The following ACYP2 variants were observed in gnomAD, a reference collection of about 807,000 sequenced individuals.
ACYP2 encodes acylphosphatase 2, also known as acylphosphatase-2.
In ACYP2, 12 loss-of-function variants were observed where a neutral mutation model predicts 11.2. That is an observed-to-expected ratio of 1.08 (90% CI 0.69 to 1.74). The LOEUF is 1.74. Among genes scored for constraint, ACYP2 ranks in the 40% most tolerant of loss-of-function variants. The pLI is 0.00. For missense variants in ACYP2, 134 were observed against 101.9 expected, an observed-to-expected ratio of 1.31 and a Z score of -1.35; for synonymous variants, 43 against 32.2, an observed-to-expected ratio of 1.33 and a Z score of -1.13.
At chr2:54,297,457 C>T (rs1452739325) in intron 6 of ACYP2, among the ~76,000 whole-genome samples, 1 of 151,990 alleles carries the variant, frequency 6.6e-6, no homozygotes, top group Non-Finnish European at 1.5e-5. Flanking sequence ...ATTATTGTGC[C>T]ACTGCATTCC....
At chr2:54,146,430 T>C (rs1681887782) in intron 6 of ACYP2, among the ~76,000 whole-genome samples, 1 of 148,994 alleles carries the variant, frequency 6.7e-6, no homozygotes, top group South Asian at 2.1e-4. Flanking sequence ...TGTATGGACC[T>C]GATCCTCTAT....
intron 6 of ACYP2, among the ~76,000 whole-genome samples, chr2:54,252,258 T>C (rs937991731): frequency 6.6e-6 from 1 of 152,234 alleles, no homozygotes; most frequent in Non-Finnish European, 1.5e-5. Context: ...TCTTTCTTAA[T>C]AGTATACCAT....
At chr2:54,253,996 G>C (rs929685338) in intron 6 of ACYP2, 1 of 152,140 alleles carries the variant, frequency 6.6e-6, no homozygotes, top group African/African-American at 2.4e-5. Flanking sequence ...AGAAAAGAAA[G>C]TGTACACTCA....
chr2:54,207,670 A>C (rs1322065836), intron 6 of ACYP2, among the ~76,000 whole-genome samples: 1 of 152,194 alleles, frequency 6.6e-6, no homozygotes, highest in East Asian at 1.9e-4. Flanking sequence ...CTTGGATTCA[A>C]TATTTAGTGC....
chr2:54,229,853 T>G (rs75630692), intron 6 of ACYP2, among the ~76,000 whole-genome samples: 2,469 of 152,276 alleles, frequency 0.016, 78 homozygotes, highest in African/African-American at 0.055. Context: ...TAGTGTTGTT[T>G]CCATCAAAAA....
intron 2 of ACYP2, among the ~76,000 whole-genome samples, chr2:54,015,599 T>C (rs1269707034): frequency 6.6e-6 from 1 of 150,792 alleles, no homozygotes; most frequent in African/African-American, 2.4e-5. Flanking sequence ...CAGCGAGCCA[T>C]GATTGTGCCA....
At chr2:54,059,898 C>G (rs748142295) in intron 4 of ACYP2, among the ~76,000 whole-genome samples, 71 of 152,204 alleles carry the variant, frequency 4.7e-4, no homozygotes, top group Non-Finnish European at 8.2e-4. Context: ...GTCTTCTGAA[C>G]TCAGTTGCTA....
At chr2:54,303,972 G>A (rs1363766007) in intron 6 of ACYP2, among the ~76,000 whole-genome samples, 2 of 152,176 alleles carry the variant, frequency 1.3e-5, no homozygotes, top group African/African-American at 4.8e-5. Flanking sequence ...AATATCTTGG[G>A]TAAGTGACCT....
chr2:54,258,771 C>G (rs114628991), intron 6 of ACYP2, among the ~76,000 whole-genome samples: 2,532 of 152,204 alleles, frequency 0.017, 63 homozygotes, highest in African/African-American at 0.058. Flanking sequence ...GCTATGGGAT[C>G]TCTTAGTTCA....
At chr2:53,983,416 G>C (rs114837028) in intron 2 of ACYP2, among the ~76,000 whole-genome samples, 2 of 152,098 alleles carry the variant, frequency 1.3e-5, no homozygotes. Flanking sequence ...TGAGGTGGAA[G>C]AATCACTTGA....
intron 2 of ACYP2, among the ~76,000 whole-genome samples, chr2:54,044,279 A>T (rs1486480269): frequency 6.6e-6 from 1 of 152,154 alleles, no homozygotes; most frequent in Non-Finnish European, 1.5e-5. Flanking sequence ...GTGCCAAGGG[A>T]AAGTTTTGGA....
intron 6 of ACYP2, among the ~76,000 whole-genome samples, chr2:54,191,531 T>C (rs946546416): frequency 4.6e-5 from 7 of 152,186 alleles, no homozygotes; most frequent in African/African-American, 1.2e-4. Context: ...TTGCACAAGT[T>C]AATTAACCTT....
intron 6 of ACYP2, among the ~76,000 whole-genome samples, chr2:54,275,420 A>G (rs1035232076): frequency 6.6e-6 from 1 of 152,196 alleles, no homozygotes; most frequent in African/African-American, 2.4e-5. Context: ...TAGAGGTAAA[A>G]ATCTCATCAG....
chr2:54,205,850 T>A (rs889617596), intron 6 of ACYP2, among the ~76,000 whole-genome samples: 4 of 152,200 alleles, frequency 2.6e-5, no homozygotes, highest in African/African-American at 9.6e-5. Context: ...TTTTGCACTT[T>A]TAATGTGATA....
intron 6 of ACYP2, chr2:54,143,237 C>T (rs937412023): frequency 6.6e-5 from 10 of 152,166 alleles, no homozygotes; most frequent in African/African-American, 1.9e-4. Context: ...TTTATTGTTT[C>T]ACCTAGTAAA....
chr2:54,230,130 T>C (rs1418167863), intron 6 of ACYP2, among the ~76,000 whole-genome samples: 1 of 152,222 alleles, frequency 6.6e-6, no homozygotes, highest in East Asian at 1.9e-4. Context: ...GAAATTGCCC[T>C]GCAAAGTTTC....
chr2:54,013,569 G>A (rs1673512758), intron 2 of ACYP2, among the ~76,000 whole-genome samples: 1 of 151,700 alleles, frequency 6.6e-6, no homozygotes, highest in African/African-American at 2.4e-5. Context: ...CAAAGTGCTG[G>A]GATTACAGGC....
chr2:54,289,212 C>T (rs1212194592), intron 6 of ACYP2, among the ~76,000 whole-genome samples: 1 of 151,982 alleles, frequency 6.6e-6, no homozygotes, highest in Non-Finnish European at 1.5e-5. Context: ...TTCAGCCTCA[C>T]ATCCTTCCTT....
chr2:54,256,803 G>A (rs1344825907), intron 6 of ACYP2, among the ~76,000 whole-genome samples: 1 of 149,710 alleles, frequency 6.7e-6, no homozygotes, highest in African/African-American at 2.5e-5. Flanking sequence ...CACCATGCCC[G>A]GTTTTTTTGT....
Sources: gnomAD v4.1 joint callset for allele counts (sites outside exome capture counted in the v4.1 genomes callset) on GRCh38, gnomAD v4.1.1 for gene constraint, MANE v1.5 for transcripts, NCBI Gene and HGNC (gene_info 2026-07-23, HGNC 2026-07-21) for gene names.